KIRREL3: variants seen among roughly 807,000 people sequenced by gnomAD.
The protein encoded by KIRREL3 is kin of IRRE-like protein 3.
Under a neutral mutation model 89.7 loss-of-function variants are expected in KIRREL3, and 36 were observed. The observed-to-expected ratio is 0.40, with a 90% CI of 0.31 to 0.53. The LOEUF (loss-of-function observed/expected upper bound fraction) is 0.53. KIRREL3 is among the 20% of genes least tolerant of loss of function. KIRREL3 has a pLI of 0.49. For missense variants in KIRREL3, 864 were observed against 1,056.6 expected (o/e 0.82, Z 2.53); for synonymous variants, 445 against 441.4 (o/e 1.01, Z -0.10).
chr11:126,928,947 A>G (rs1009175003), intron 1 of KIRREL3, among the ~76,000 whole-genome samples: 28 of 152,326 alleles, frequency 1.8e-4, no homozygotes, highest in African/African-American at 6.3e-4. Context: ...AAACTATGAG[A>G]ATGAATGGAT....
Position 126,431,083 on chromosome 11 carries a change from T to C in KIRREL3, c.1696+336A>G. 2 of 1,381,204 alleles carry C rather than the reference T, an allele frequency of 1.4e-6. No homozygotes were observed. The highest frequency in any genetic ancestry group is 1.9e-6 in the Non-Finnish European group (2 of 1,069,832). 85.6% of individuals were successfully genotyped at this position (1,381,204 alleles called of 1,614,324 possible). Reference sequence around the variant, plus strand: ...GGGGTCTCTCTAGACTAACAGCTCTTGTAGAGCAAGGATCAAACCACAAAC... The same window carrying C: ...GGGGTCTCTCTAGACTAACAGCTCTCGTAGAGCAAGGATCAAACCACAAAC... On this transcript the variant is annotated intron_variant, in intron 14 of 16. Coordinates refer to ENST00000525144, the MANE Select transcript of KIRREL3 (RefSeq NM_032531.4). This position sits in a 1 kb window ranked among gnomAD's most constrained non-coding sequence, Gnocchi z 7.1.
chr11:126,815,566 C>T (rs1467385358), intron 1 of KIRREL3, among the ~76,000 whole-genome samples: 1 of 152,144 alleles, frequency 6.6e-6, no homozygotes, highest in Non-Finnish European at 1.5e-5. Flanking sequence ...CGGAGTCTCC[C>T]TCTGTCGCCC....
intron 1 of KIRREL3, among the ~76,000 whole-genome samples, chr11:126,585,737 G>T (rs1941807102): frequency 1.3e-5 from 2 of 152,220 alleles, no homozygotes; most frequent in African/African-American, 4.8e-5. Context: ...AGCACTCTAC[G>T]CCGGTGTCTG....
rs551620561 is a variant in KIRREL3 at position 126,727,090 on chromosome 11, A to G, written c.56-164178T>C. Among the ~76,000 whole-genome samples, 26 of 152,342 alleles carry G rather than the reference A, an allele frequency of 1.7e-4. No individual in the cohort carries two copies. In the South Asian group the frequency reaches 5.4e-3, roughly 32 times the overall value. ...GAGTGCTTCTGAAAGGCAGAGACTT[A>G]GCTTTGAATTCCCAGTGCCTAGCAT... On this transcript the variant is annotated intron_variant, in intron 1 of 16. Coordinates refer to ENST00000525144, the MANE Select transcript of KIRREL3 (RefSeq NM_032531.4).
Position 126,528,502 on chromosome 11 carries a change from G to T in KIRREL3, c.134-1815C>A, listed in dbSNP as rs1212985567. Among the ~76,000 whole-genome samples the T allele has an allele frequency of 6.6e-6, 1 of 152,228 alleles. No homozygotes were observed. The highest frequency in any genetic ancestry group is 6.5e-5 in the Admixed American group (1 of 15,286). On this transcript the variant is annotated intron_variant, in intron 2 of 16. Coordinates refer to ENST00000525144, the MANE Select transcript of KIRREL3 (RefSeq NM_032531.4). This position sits in a 1 kb window ranked among gnomAD's most constrained non-coding sequence, Gnocchi z 4.6. ...GGTGGCCGAGTTCACAACCTGACAA[G>T]ATCTTGGCAGGGTCTCCGAGGAGTC...
rs1591598906 is a variant in KIRREL3, at chr11:126,473,400, T to G, written c.500A>C (p.Asn167Thr). Residue 167 changes from asparagine (N) to threonine (T), a missense_variant, in exon 5 of 17, where the codon AAC becomes ACC. By Grantham distance (65) the Asn-to-Thr change is moderately conservative. Transcript: ENST00000525144. ...GGCATTGTCTGCGTGGCAGGTGAGG[T>G]TGAGAGGGTCCCCCGCACGCAGGCT... ...VISLRAGDPL[N>T]LTCHADNAKP... 1 of 1,572,676 alleles carries G rather than the reference T, an allele frequency of 6.4e-7. No homozygotes were observed. The highest frequency in any genetic ancestry group is 1.2e-5 in the South Asian group (1 of 86,574).
chr11:126,431,524 ACT>A lies in KIRREL3; in HGVS notation c.1589_1590del (p.Glu530ValfsTer46). The A allele has an allele frequency of 6.2e-7, 1 of 1,613,480 alleles. No individual in the cohort carries two copies. Among genetic ancestry groups the A allele is most frequent in the Non-Finnish European group, 8.5e-7 (1 of 1,179,742 alleles). On this transcript the variant is annotated frameshift_variant and splice_region_variant, in exon 14 of 17. Transcript: ENST00000525144. LOFTEE classifies it high-confidence loss of function. This position sits in a 1 kb window ranked among gnomAD's most constrained non-coding sequence, Gnocchi z 7.1. Reference protein sequence around the residue: ...EMKSGAGLEAESVPMAVIIGV... With the variant: ...EMKSGAGLEAXSVPMAVIIGV... ...CCAATGATGACGGCCATCGGCACAG[ACT>A]CTGTGGGAGAGAAGCGGGCACAGCT...
intron 4 of KIRREL3, among the ~76,000 whole-genome samples, chr11:126,493,159 C>T (rs1328305535): frequency 2.0e-5 from 3 of 152,192 alleles, no homozygotes; most frequent in Non-Finnish European, 4.4e-5. Flanking sequence ...CCCTCCTGGA[C>T]TCAGGAGGAA....
At chr11:126,825,290 G>A (rs1040967920) in intron 1 of KIRREL3, among the ~76,000 whole-genome samples, 42 of 152,210 alleles carry the variant, frequency 2.8e-4, no homozygotes, top group African/African-American at 9.1e-4. Context: ...GCCTGGTGAC[G>A]CTATGACCCC....
At chr11:126,548,529 T>A (rs1938998980) in intron 2 of KIRREL3, among the ~76,000 whole-genome samples, 1 of 152,244 alleles carries the variant, frequency 6.6e-6, no homozygotes, top group Non-Finnish European at 1.5e-5. Flanking sequence ...AGTTTCTTAC[T>A]GGGACTGGGC....
intron 3 of KIRREL3, among the ~76,000 whole-genome samples, chr11:126,524,364 AG>A (rs1958684637): frequency 6.6e-6 from 1 of 152,232 alleles, no homozygotes; most frequent in Non-Finnish European, 1.5e-5. Flanking sequence ...TATCTTTAGA[AG>A]GGAGAGAAGA....
chr11:126,704,422 G>A lies in KIRREL3; in HGVS notation c.56-141510C>T, dbSNP rs115638674. ...GCAGAACAGAGGCTTGCAAAAGACT[G>A]CAGCAACCAGCCCCAGCTGGCTGTA... On this transcript the variant is annotated intron_variant, in intron 1 of 16. Transcript: ENST00000525144. This position sits in a 1 kb window ranked among gnomAD's most constrained non-coding sequence, Gnocchi z 4.2. Among the ~76,000 whole-genome samples, 1,479 of 152,308 alleles carry A rather than the reference G, an allele frequency of 9.7e-3. 28 individuals carry two copies. The highest frequency in any genetic ancestry group is 0.034 in the African/African-American group (1,411 of 41,556).
intron 11 of KIRREL3, among the ~76,000 whole-genome samples, chr11:126,439,771 T>C (rs1955489840): frequency 1.3e-5 from 2 of 151,100 alleles, no homozygotes; most frequent in South Asian, 4.2e-4. Context: ...TGAGCCGAGA[T>C]TGTGTCACTG....
Position 126,620,131 on chromosome 11 carries a change from T to C in KIRREL3, c.56-57219A>G, listed in dbSNP as rs894266085. Among the ~76,000 whole-genome samples, 12 of 152,234 alleles carry C rather than the reference T, an allele frequency of 7.9e-5. No individual in the cohort carries two copies. Among genetic ancestry groups the C allele is most frequent in the African/African-American group, 2.4e-4 (10 of 41,468 alleles). On this transcript the variant is annotated intron_variant, in intron 1 of 16. Coordinates refer to ENST00000525144, the MANE Select transcript of KIRREL3 (RefSeq NM_032531.4). This position sits in a 1 kb window ranked among gnomAD's most constrained non-coding sequence, Gnocchi z 4.8. ...TGGGCAATCGAATCTGGTGGTCTTA[T>C]AACACTTGACCAAAAACCAAACAAC...
At chr11:126,842,894 T>C (rs1944011995) in intron 1 of KIRREL3, among the ~76,000 whole-genome samples, 1 of 152,176 alleles carries the variant, frequency 6.6e-6, no homozygotes, top group African/African-American at 2.4e-5. Context: ...GACTGAGAGC[T>C]GGCCTCTCCA....
chr11:126,983,412 C>T lies in KIRREL3; in HGVS notation c.55+17043G>A, dbSNP rs569011226. Among the ~76,000 whole-genome samples the T allele has an allele frequency of 6.6e-6, 1 of 152,274 alleles. No individual in the cohort carries two copies. The highest frequency in any genetic ancestry group is 1.9e-4 in the East Asian group (1 of 5,188). On this transcript the variant is annotated intron_variant, in intron 1 of 16. Transcript: ENST00000525144. This position sits in a 1 kb window ranked among gnomAD's most constrained non-coding sequence, Gnocchi z 4.9. Reference sequence around the variant, plus strand: ...CAGAATAATGGCCGCCAAAGATGCCCATGTCCTAATCCCTTTACAGGACAA... The same window carrying T: ...CAGAATAATGGCCGCCAAAGATGCCTATGTCCTAATCCCTTTACAGGACAA...
chr11:126,952,157 C>T (rs948236299), intron 1 of KIRREL3, among the ~76,000 whole-genome samples: 13 of 152,064 alleles, frequency 8.5e-5, no homozygotes, highest in South Asian at 2.1e-4. Flanking sequence ...AGGCCGAGGC[C>T]GGTGGATCAC....
rs186051194 is a variant in KIRREL3, at chr11:126,778,106, G to A, written c.56-215194C>T. On this transcript the variant is annotated intron_variant, in intron 1 of 16. Transcript: ENST00000525144. The surrounding 1 kb of genome is among the most constrained non-coding windows in gnomAD (Gnocchi z 4.5). ...AAAGAGCAAAATGAAAATTATGCCAGCCCCCTGACCTCCCCACCCAGAGAT... is the reference window on the plus strand; with the variant it reads ...AAAGAGCAAAATGAAAATTATGCCAACCCCCTGACCTCCCCACCCAGAGAT... Among the ~76,000 whole-genome samples the A allele has an allele frequency of 1.2e-3, 174 of 151,084 alleles. 1 individual carries two copies. Among genetic ancestry groups the A allele is most frequent in the South Asian group, 8.2e-3 (39 of 4,746 alleles).
chr11:126,761,339 T>A lies in KIRREL3; in HGVS notation c.56-198427A>T, dbSNP rs2134269355. Among the ~76,000 whole-genome samples the A allele has an allele frequency of 6.6e-6, 1 of 152,226 alleles. No individual in the cohort carries two copies. Among genetic ancestry groups the A allele is most frequent in the East Asian group, 1.9e-4 (1 of 5,156 alleles). On this transcript the variant is annotated intron_variant, in intron 1 of 16. Transcript: ENST00000525144. This position sits in a 1 kb window ranked among gnomAD's most constrained non-coding sequence, Gnocchi z 4.4. ...CCAGAGGGGACTGTGATGAGTTGGC[T>A]TCTCAGGAGTTTCCTACTCGCTGGG...
Sources: allele counts gnomAD v4.1 joint callset (sites outside exome capture counted in the v4.1 genomes callset), GRCh38; gene constraint gnomAD v4.1.1; non-coding constraint Gnocchi (gnomAD v3.1); transcripts MANE v1.5; gene names NCBI Gene and HGNC (gene_info 2026-07-23, HGNC 2026-07-21).